Variants in NKAIN2 observed in about 807,000 individuals in gnomAD.
NKAIN2 encodes sodium/potassium transporting ATPase interacting 2, also known as sodium/potassium-transporting ATPase subunit beta-1-interacting protein 2.
In NKAIN2, 14 loss-of-function variants were observed where a neutral mutation model predicts 32.6. That is an observed-to-expected ratio of 0.43 (90% CI 0.28 to 0.67). The LOEUF (loss-of-function observed/expected upper bound fraction) is 0.67, where lower values mean the gene tolerates loss of function less well. NKAIN2 is among the 30% of genes least tolerant of loss of function. The probability of loss-of-function intolerance (pLI) is 0.17; values close to 1 mark genes in which losing one functional copy is unlikely to be tolerated. For synonymous variants in NKAIN2, 80 were observed against 87.2 expected, an observed-to-expected ratio of 0.92 and a Z score of 0.46; for missense variants, 198 against 258.3, an observed-to-expected ratio of 0.77 and a Z score of 1.60.
At chr6:123,867,144 T>A (rs1228169183) in intron 1 of NKAIN2, among the ~76,000 whole-genome samples, 1 of 152,212 alleles carries the variant, frequency 6.6e-6, no homozygotes, top group African/African-American at 2.4e-5. Flanking sequence ...TCAGTTTACC[T>A]CCTGAAGATC....
chr6:124,085,494 G>A (rs552325788), intron 1 of NKAIN2, among the ~76,000 whole-genome samples: 4 of 151,478 alleles, frequency 2.6e-5, no homozygotes, highest in Non-Finnish European at 5.9e-5. Context: ...GTTAGACTTC[G>A]GCTCAAATCC....
intron 3 of NKAIN2, among the ~76,000 whole-genome samples, chr6:124,616,115 C>T (rs1303881188): frequency 6.6e-6 from 1 of 152,074 alleles, no homozygotes; most frequent in African/African-American, 2.4e-5. Flanking sequence ...CCTTACTTCT[C>T]AACACCTGTA....
chr6:124,681,984 A>C (rs1773646981), intron 4 of NKAIN2, among the ~76,000 whole-genome samples: 3 of 152,062 alleles, frequency 2.0e-5, no homozygotes, highest in Non-Finnish European at 2.9e-5. Context: ...AAGGCAAGAG[A>C]AGGGTGAGAA....
At chr6:124,064,938 G>T (rs1251392753) in intron 1 of NKAIN2, among the ~76,000 whole-genome samples, 2 of 152,054 alleles carry the variant, frequency 1.3e-5, no homozygotes, top group African/African-American at 4.8e-5. Context: ...CTATCTCTGG[G>T]CTTGAATCTG....
At chr6:124,734,268 T>C (rs1330871221) in intron 4 of NKAIN2, among the ~76,000 whole-genome samples, 1 of 151,850 alleles carries the variant, frequency 6.6e-6, no homozygotes, top group East Asian at 1.9e-4. Context: ...CTCTTAAATC[T>C]TGACCCTATT....
chr6:123,832,387 C>T (rs1488700372), intron 1 of NKAIN2, among the ~76,000 whole-genome samples: 2 of 152,200 alleles, frequency 1.3e-5, no homozygotes, highest in African/African-American at 4.8e-5. Flanking sequence ...AAGGACATCT[C>T]AGTTGCTCTC....
chr6:124,257,802 G>A (rs1394313732), intron 1 of NKAIN2, among the ~76,000 whole-genome samples: 54 of 144,002 alleles, frequency 3.7e-4, no homozygotes, highest in African/African-American at 1.4e-3. Flanking sequence ...TTTTGAGACG[G>A]GGTTTCACTC....
intron 4 of NKAIN2, among the ~76,000 whole-genome samples, chr6:124,770,313 T>C (rs1214630962): frequency 2.6e-5 from 4 of 152,144 alleles, no homozygotes; most frequent in African/African-American, 9.7e-5. Context: ...CCCTTGGGAA[T>C]TTTCTGTTTC....
chr6:123,987,083 T>A (rs1779172662), intron 1 of NKAIN2, among the ~76,000 whole-genome samples: 1 of 152,188 alleles, frequency 6.6e-6, no homozygotes, highest in South Asian at 2.1e-4. Flanking sequence ...GTTGTGAAAG[T>A]TAAATGAGGT....
At chr6:124,165,191 T>C (rs1245740298) in intron 1 of NKAIN2, among the ~76,000 whole-genome samples, 2 of 152,084 alleles carry the variant, frequency 1.3e-5, no homozygotes, top group Non-Finnish European at 2.9e-5. Flanking sequence ...ATAAAAATTT[T>C]AAACATTTTG....
intron 1 of NKAIN2, among the ~76,000 whole-genome samples, chr6:124,111,514 C>T (rs1785383855): frequency 2.0e-5 from 3 of 152,014 alleles, no homozygotes; most frequent in Admixed American, 1.3e-4. Flanking sequence ...TGATGTACCC[C>T]TACTCTCTTT....
intron 1 of NKAIN2, among the ~76,000 whole-genome samples, chr6:124,205,582 T>A (rs551318068): frequency 4.6e-5 from 7 of 151,672 alleles, no homozygotes; most frequent in Non-Finnish European, 1.0e-4. Context: ...CTTCTCAATT[T>A]TAGAGTCTGC....
chr6:123,909,012 A>G (rs1419860827), intron 1 of NKAIN2, among the ~76,000 whole-genome samples: 1 of 152,218 alleles, frequency 6.6e-6, no homozygotes, highest in Non-Finnish European at 1.5e-5. Flanking sequence ...CAGCATGTGG[A>G]GAACAGTAAT....
intron 3 of NKAIN2, among the ~76,000 whole-genome samples, chr6:124,526,325 A>G (rs1215294842): frequency 1.3e-5 from 2 of 152,142 alleles, no homozygotes; most frequent in African/African-American, 2.4e-5. Context: ...GTAGGCAAGA[A>G]GAAGCACTTA....
At chr6:124,218,973 C>T (rs973158412) in intron 1 of NKAIN2, among the ~76,000 whole-genome samples, 12 of 152,180 alleles carry the variant, frequency 7.9e-5, no homozygotes, top group African/African-American at 2.7e-4. Context: ...AGAAGCAAGG[C>T]ACCTTCTTCA....
At chr6:124,577,344 CTG>C in intron 3 of NKAIN2, among the ~76,000 whole-genome samples, 1 of 152,226 alleles carries the variant, frequency 6.6e-6, no homozygotes, top group South Asian at 2.1e-4. Flanking sequence ...ACCACCCCTC[CTG>C]CACCCCCCAG....
chr6:123,830,964 G>T (rs1774355487), intron 1 of NKAIN2, among the ~76,000 whole-genome samples: 1 of 152,208 alleles, frequency 6.6e-6, no homozygotes, highest in East Asian at 1.9e-4. Flanking sequence ...TAGGAAATCA[G>T]ACCAGCTCTG....
At chr6:124,765,247 TAAG>T (rs752961016) in intron 4 of NKAIN2, among the ~76,000 whole-genome samples, 63 of 152,300 alleles carry the variant, frequency 4.1e-4, no homozygotes, top group Admixed American at 1.6e-3. Context: ...CTCCGTTCTG[TAAG>T]AATAGAGTCT....
chr6:124,354,538 C>T (rs1798879811), intron 2 of NKAIN2, among the ~76,000 whole-genome samples: 1 of 152,030 alleles, frequency 6.6e-6, no homozygotes, highest in Non-Finnish European at 1.5e-5. Context: ...GAAAAGGAGA[C>T]ACCAAAGAGA....
Sources: gnomAD v4.1 joint callset for allele counts (sites outside exome capture counted in the v4.1 genomes callset) on GRCh38, gnomAD v4.1.1 for gene constraint, MANE v1.5 for transcripts, NCBI Gene and HGNC (gene_info 2026-07-23, HGNC 2026-07-21) for gene names.